The following PFKL variants were observed in gnomAD, a reference collection of about 807,000 sequenced individuals.
The protein encoded by PFKL is ATP-dependent 6-phosphofructokinase, liver type.
PFKL carries 74 observed loss-of-function variants against 92.1 expected under a neutral mutation model. The observed-to-expected ratio is 0.80, with a 90% confidence interval of 0.67 to 0.97. The LOEUF is 0.97. Among genes scored for constraint, PFKL ranks in the 50% least tolerant of loss-of-function variants. The pLI, the probability that PFKL is intolerant of heterozygous loss-of-function variation, is 0.00. For synonymous variants in PFKL, 494 were observed against 456.4 expected (o/e 1.08, Z -1.05); for missense variants, 1,028 against 1,116.6 (o/e 0.92, Z 1.13).
Position 44,324,872 on chromosome 21 carries a change from T to C in PFKL, c.1832T>C (p.Met611Thr), listed in dbSNP as rs1291357756. 1 of 1,608,640 alleles carries C rather than the reference T, an allele frequency of 6.2e-7. No individual in the cohort carries two copies. The highest frequency in any genetic ancestry group is 8.5e-7 in the Non-Finnish European group (1 of 1,177,746). ...IHDLKVNVEH[M>T]TEKMKTDIQR... is the part of the protein sequence containing the mutation. ...CTCCCGCAGGTCAACGTGGAGCACA[T>C]GACGGAGAAGATGAAGACAGACATT... Residue 611 changes from methionine to threonine, a missense_variant, in exon 18 of 22, where the codon ATG becomes ACG. By Grantham distance (81) the Met-to-Thr change is moderately conservative. Coordinates refer to ENST00000349048, the MANE Select transcript of PFKL (RefSeq NM_002626.6).
chr21:44,312,015 T>C (rs1362062684), intron 3 of PFKL, 90 bp from the exon 4 acceptor site: 6 of 1,104,734 alleles, frequency 5.4e-6, no homozygotes, highest in Non-Finnish European at 7.3e-6. Flanking sequence ...GCCAGCCCCT[T>C]GCTGCCCAGT....
At chr21:44,313,385 G>A (rs745463089) in intron 5 of PFKL, among the ~76,000 whole-genome samples, 13 of 152,204 alleles carry the variant, frequency 8.5e-5, no homozygotes, top group African/African-American at 2.4e-5. Flanking sequence ...GGGGTGTGAC[G>A]CCCCCAAAGG....
At chr21:44,316,211 TG>T (rs1401573941) in intron 7 of PFKL, 32 bp from the exon 8 acceptor site, 2 of 1,604,698 alleles carry the variant, frequency 1.2e-6, no homozygotes, top group Admixed American at 3.3e-5. Flanking sequence ...TTTCCCTGCC[TG>T]GCAGCTGAGC....
At position 44,319,789 on chromosome 21, in the gene PFKL, G is replaced by A. The variant is rs571749533; in HGVS notation, c.1128-295G>A. 981 of 515,222 alleles carry A rather than the reference G, an allele frequency of 1.9e-3. 6 individuals carry two copies. The highest frequency in any genetic ancestry group is 2.8e-3 in the Non-Finnish European group (798 of 286,712). The allele number at this position is 515,222 out of a possible 1,614,324, so 31.9% of individuals were successfully genotyped here. A position where few individuals can be genotyped will look rare whatever the true frequency, so the allele number is the denominator to read the frequency against. ...GCGGCCGGGTCAGGCTGGATTGGAC[G>A]TCTGGGTTCCCATGCGTGCCTCCAC... is the stretch of plus-strand genomic sequence containing the variant. On this transcript the variant is annotated intron_variant, in intron 11 of 21. Transcript: ENST00000349048.
chr21:44,319,294 G>C, intron 10 of PFKL, 57 bp from the exon 11 acceptor site: 3 of 1,463,266 alleles, frequency 2.1e-6, no homozygotes, highest in Non-Finnish European at 2.9e-6. Context: ...CAGGGCAGTA[G>C]CCATGGGTGT....
intron 1 of PFKL, among the ~76,000 whole-genome samples, chr21:44,300,611 G>C (rs1444282079): frequency 1.3e-5 from 2 of 152,220 alleles, no homozygotes; most frequent in Non-Finnish European, 1.5e-5. Context: ...GGGCTTCCGG[G>C]ACCTCCTCCC....
chr21:44,320,224 C>G (rs1172701733), intron 12 of PFKL, 77 bp downstream of exon 12: 1 of 1,290,820 alleles, frequency 7.7e-7, no homozygotes, highest in Admixed American at 1.8e-5. Context: ...GGCCCCGTGG[C>G]TGGGCCTGCC....
At chr21:44,325,301 C>T in intron 19 of PFKL, 37 bp downstream of exon 19, 1 of 1,353,334 alleles carries the variant, frequency 7.4e-7, no homozygotes. Context: ...AGGCCTGCCC[C>T]TCTTTCCTGC....
At position 44,324,836 on chromosome 21, in the gene PFKL, C is replaced by T. The variant is rs761112636; in HGVS notation, c.1816-20C>T. The T allele has an allele frequency of 1.1e-5, 18 of 1,602,592 alleles. No individual in the cohort carries two copies. The highest frequency in any genetic ancestry group is 2.7e-5 in the African/African-American group (2 of 74,656). The stretch of plus-strand genomic sequence containing the variant: ...CCTCCCCACAGTCCTCCGGCTCATC[C>T]GTGTCCGCCCCTCCCGCAGGTCAAC... On this transcript the variant is annotated intron_variant, in intron 17 of 21. Coordinates refer to ENST00000349048, the MANE Select transcript of PFKL (RefSeq NM_002626.6).
chr21:44,325,592 C>G (rs1231801753), intron 19 of PFKL: 5 of 498,998 alleles, frequency 1.0e-5, no homozygotes, highest in Non-Finnish European at 1.8e-5. Flanking sequence ...TATGGTGGCC[C>G]TGCAGGAAGC....
chr21:44,323,775 G>A lies in PFKL; in HGVS notation c.1507G>A (p.Gly503Arg), dbSNP rs1160963693. 6.2e-7 allele frequency: 1 copy of A among 1,612,168 alleles called. No individual in the cohort carries two copies. Among genetic ancestry groups the A allele is most frequent in the Non-Finnish European group, 8.5e-7 (1 of 1,179,592 alleles). The change falls in exon 16 of 22, where the codon GGG becomes AGG. Residue 503 changes from glycine (G) to arginine (R), a missense_variant. Physicochemically the swap from Gly to Arg is moderately radical, Grantham distance 125. Coordinates refer to ENST00000349048, the MANE Select transcript of PFKL (RefSeq NM_002626.6). ...LVVGGFEAYE[G>R]VLQLVEARGR... ...GTCCCTACTGCTGCAGGCCTATGAAGGGGTGCTGCAGCTGGTGGAGGCTCG... is the reference window on the plus strand; with the variant it reads ...GTCCCTACTGCTGCAGGCCTATGAAAGGGTGCTGCAGCTGGTGGAGGCTCG...
intron 1 of PFKL, among the ~76,000 whole-genome samples, chr21:44,303,401 ACT>A (rs2040829106): frequency 7.6e-6 from 1 of 131,874 alleles, no homozygotes; most frequent in Non-Finnish European, 1.6e-5. Context: ...ACAGAACGAG[ACT>A]CTGTCTCAAA....
At chr21:44,313,604 G>A (rs1418673626) in intron 5 of PFKL, 34 bp from the exon 6 acceptor site, 4 of 1,601,276 alleles carry the variant, frequency 2.5e-6, no homozygotes, top group Non-Finnish European at 3.4e-6. Context: ...CCGTGTGGCT[G>A]GCACTGATGC....
chr21:44,305,979 G>A (rs766048551), intron 1 of PFKL: 34 of 1,321,960 alleles, frequency 2.6e-5, no homozygotes, highest in Non-Finnish European at 1.3e-5. Flanking sequence ...GCTGTTCCCT[G>A]GGTGGCTGAG....
chr21:44,317,518 T>C (rs1451389607), intron 9 of PFKL, among the ~76,000 whole-genome samples: 1 of 152,182 alleles, frequency 6.6e-6, no homozygotes, highest in Non-Finnish European at 1.5e-5. Context: ...GAAATGCCGC[T>C]GCTGTGACCG....
At chr21:44,319,855 G>A (rs1413550760) in intron 11 of PFKL, 12 of 528,418 alleles carry the variant, frequency 2.3e-5, no homozygotes, top group African/African-American at 5.8e-5. Flanking sequence ...GCTGGATGCC[G>A]GCCACGTGCT....
chr21:44,305,546 G>A, intron 1 of PFKL: 5 of 901,182 alleles, frequency 5.5e-6, no homozygotes, highest in Non-Finnish European at 7.7e-6. Flanking sequence ...CTGGGAGGGA[G>A]GCAGGAAGAG....
chr21:44,305,350 G>A (rs780369755), intron 1 of PFKL: 12 of 1,365,860 alleles, frequency 8.8e-6, no homozygotes, highest in Admixed American at 1.9e-5. Flanking sequence ...GGTAGAGGTC[G>A]AGAGTCCTCT....
chr21:44,325,867 G>C, intron 19 of PFKL, 94 bp from the exon 20 acceptor site: 1 of 843,590 alleles, frequency 1.2e-6, no homozygotes, highest in Non-Finnish European at 1.9e-6. Context: ...AAGCTGCCTG[G>C]GAGGCTCCCC....
Sources: allele counts gnomAD v4.1 joint callset (sites outside exome capture counted in the v4.1 genomes callset), GRCh38; gene constraint gnomAD v4.1.1; transcripts MANE v1.5; gene names NCBI Gene and HGNC (gene_info 2026-07-23, HGNC 2026-07-21).